Variants in HRH1 observed in about 807,000 individuals in gnomAD.
The protein encoded by HRH1 is histamine receptor H1.
Under a neutral mutation model 10.3 loss-of-function variants are expected in HRH1, and 6 were observed. The ratio of observed to expected loss-of-function variants is 0.58; its 90% CI spans 0.32 to 1.15. The LOEUF (loss-of-function observed/expected upper bound fraction) is 1.15, where lower values mean the gene tolerates loss of function less well. Ranked by LOEUF, HRH1 falls within the 50% of genes most tolerant of loss-of-function variation. The pLI is 0.05. For missense variants in HRH1, 514 were observed against 615.3 expected, an observed-to-expected ratio of 0.84 and a Z score of 1.74; for synonymous variants, 242 against 236.7, an observed-to-expected ratio of 1.02 and a Z score of -0.21.
intron 1 of HRH1, among the ~76,000 whole-genome samples, chr3:11,247,397 G>C (rs1431577812): frequency 6.6e-6 from 1 of 152,136 alleles, no homozygotes; most frequent in African/African-American, 2.4e-5. Context: ...GGGTAGGGCA[G>C]GGGTTTTTAT....
chr3:11,176,404 T>A (rs753156916), intron 1 of HRH1, among the ~76,000 whole-genome samples: 62 of 152,090 alleles, frequency 4.1e-4, no homozygotes, highest in Admixed American at 1.1e-3. Flanking sequence ...CTCCCACTAT[T>A]TCCAGATGCC....
At chr3:11,245,801 A>G (rs1027393880) in intron 1 of HRH1, among the ~76,000 whole-genome samples, 2 of 152,088 alleles carry the variant, frequency 1.3e-5, no homozygotes, top group Non-Finnish European at 2.9e-5. Context: ...CCCTGTCTCA[A>G]TTGATCCTCC....
intron 1 of HRH1, among the ~76,000 whole-genome samples, chr3:11,147,936 C>T (rs1195301584): frequency 6.6e-6 from 1 of 152,110 alleles, no homozygotes; most frequent in Non-Finnish European, 1.5e-5. Flanking sequence ...AATCCCAGCA[C>T]TTTGAGAGGC....
Position 11,261,266 on chromosome 3 carries a change from A to C in HRH1, c.*765A>C, listed in dbSNP as rs1939948926. ...CAAAAGACATCCTCAAAAGAAAGAG[A>C]AATGAAATATTTTTGAATGGTTGCA... On this transcript the variant is annotated 3_prime_UTR_variant, in exon 2 of 2. Transcript: ENST00000431010. 1 of 167,078 alleles carries C rather than the reference A, an allele frequency of 6.0e-6. No homozygotes were observed. Among genetic ancestry groups the C allele is most frequent in the Non-Finnish European group, 1.5e-5 (1 of 68,130 alleles). The allele number at this position is 167,078 out of a possible 1,614,324, so 10.3% of individuals were successfully genotyped here.
intron 1 of HRH1, among the ~76,000 whole-genome samples, chr3:11,180,678 A>T (rs578144001): frequency 6.6e-6 from 1 of 152,112 alleles, no homozygotes; most frequent in Admixed American, 6.5e-5. Context: ...CCTGTTGTGG[A>T]CATTTCATAC....
Position 11,207,564 on chromosome 3 carries a change from G to A in HRH1, c.-35-51439G>A, listed in dbSNP as rs185412680. Among the ~76,000 whole-genome samples, 143 of 152,208 alleles carry A rather than the reference G, an allele frequency of 9.4e-4. 1 individual carries two copies. Among genetic ancestry groups the A allele is most frequent in the Admixed American group, 9.0e-3 (137 of 15,292 alleles). On this transcript the variant is annotated intron_variant, in intron 1 of 1. Transcript: ENST00000431010. ...AGCCTGGGCGACAGAGCGAGACTCT[G>A]TCTCAAAAAAACAAAAGAAAGAGGC...
At chr3:11,226,659 G>T (rs1938891140) in intron 1 of HRH1, 2 of 152,220 alleles carry the variant, frequency 1.3e-5, no homozygotes, top group East Asian at 3.9e-4. Context: ...GCTGACGCGG[G>T]TGGATCACTT....
chr3:11,162,985 C>T (rs770593278), intron 1 of HRH1, among the ~76,000 whole-genome samples: 2 of 152,158 alleles, frequency 1.3e-5, no homozygotes, highest in Non-Finnish European at 2.9e-5. Context: ...TGCTCACTTG[C>T]TCTGAATTGG....
intron 1 of HRH1, among the ~76,000 whole-genome samples, chr3:11,175,124 C>T (rs1465147227): frequency 6.6e-6 from 1 of 152,140 alleles, no homozygotes; most frequent in Non-Finnish European, 1.5e-5. Flanking sequence ...GGTCAGGTCT[C>T]AGGGTCCCAG....
chr3:11,215,724 A>G (rs1176946239), intron 1 of HRH1, among the ~76,000 whole-genome samples: 1 of 152,218 alleles, frequency 6.6e-6, no homozygotes, highest in African/African-American at 2.4e-5. Context: ...TACAGGCGTG[A>G]GCCACCGCGC....
rs1307645301 is a variant in HRH1, at chr3:11,262,278, T to C, written c.*1777T>C. ...GAGATATTTTTACCTGCCTAAAATA[T>C]GATGTTTAAAAGCATACTCTATGTG... is the stretch of plus-strand genomic sequence containing the variant. On this transcript the variant is annotated 3_prime_UTR_variant, in exon 2 of 2. Transcript: ENST00000431010. 5 of 167,228 alleles carry C rather than the reference T, an allele frequency of 3.0e-5. No individual in the cohort carries two copies. The highest frequency in any genetic ancestry group is 3.4e-3 in the Middle Eastern group (1 of 296). The allele number at this position is 167,228 out of a possible 1,614,324, so 10.4% of individuals were successfully genotyped here. A position where few individuals can be genotyped will look rare whatever the true frequency, so the allele number is the denominator to read the frequency against.
At chr3:11,238,036 C>CTTTGTTTGTTTGTTTGTTTG (rs34450745) in intron 1 of HRH1, among the ~76,000 whole-genome samples, 1 of 150,704 alleles carries the variant, frequency 6.6e-6, no homozygotes, top group Admixed American at 6.6e-5. Context: ...TTAATGCTGC[C>CTTTGTTTGTTTGTTTGTTTG]TTTGTTTGTT....
At position 11,237,120 on chromosome 3, in the gene HRH1, G is replaced by T. The variant is rs543126556; in HGVS notation, c.-35-21883G>T. On this transcript the variant is annotated intron_variant, in intron 1 of 1. Transcript: ENST00000431010. ...CTGAAATGATACTTGTGTGTGTGCT[G>T]GGTGTGGTGGTGTAATCACTGTGTC... Among the ~76,000 whole-genome samples, 42 of 152,282 alleles carry T rather than the reference G, an allele frequency of 2.8e-4. No homozygotes were observed. In the South Asian group the frequency reaches 7.9e-3, roughly 29 times the overall value.
chr3:11,193,401 T>C (rs1022747880), intron 1 of HRH1, among the ~76,000 whole-genome samples: 4 of 152,256 alleles, frequency 2.6e-5, no homozygotes, highest in African/African-American at 9.6e-5. Context: ...TCTCAGTCCA[T>C]TCAGGCTGCT....
upstream of HRH1, among the ~76,000 whole-genome samples, chr3:11,153,872 G>C (rs938569715): frequency 6.6e-6 from 1 of 152,172 alleles, no homozygotes; most frequent in East Asian, 1.9e-4. Context: ...AAACAGAAGA[G>C]AGGTGTGAGG....
intron 1 of HRH1, among the ~76,000 whole-genome samples, chr3:11,214,000 G>A (rs1373667599): frequency 6.6e-6 from 1 of 152,152 alleles, no homozygotes; most frequent in African/African-American, 2.4e-5. Context: ...AGGTGGGCCT[G>A]GGGCCGGGCA....
chr3:11,256,773 T>TG (rs1293937496), intron 1 of HRH1, among the ~76,000 whole-genome samples: 1 of 152,066 alleles, frequency 6.6e-6, no homozygotes, highest in Non-Finnish European at 1.5e-5. Context: ...CACTCCAGTC[T>TG]GGCGACAGAG....
intron 1 of HRH1, among the ~76,000 whole-genome samples, chr3:11,191,469 G>A (rs1429725815): frequency 2.0e-5 from 3 of 152,212 alleles, no homozygotes; most frequent in Admixed American, 2.0e-4. Context: ...TTAGTGGAAG[G>A]CTGAAGATGG....
chr3:11,149,434 A>G (rs768584057), intron 1 of HRH1, among the ~76,000 whole-genome samples: 10 of 152,222 alleles, frequency 6.6e-5, no homozygotes, highest in Non-Finnish European at 1.3e-4. Flanking sequence ...GTGAAGATCA[A>G]TCTTCTCCAT....
Sources: allele counts gnomAD v4.1 joint callset (sites outside exome capture counted in the v4.1 genomes callset), GRCh38; gene constraint gnomAD v4.1.1; transcripts MANE v1.5; gene names NCBI Gene and HGNC (gene_info 2026-07-23, HGNC 2026-07-21).